INO80D: variants seen among roughly 807,000 people sequenced by gnomAD.
INO80D encodes the protein INO80 complex subunit D.
A neutral mutation model predicts 87.6 loss-of-function variants in INO80D; 21 were observed. That is an observed-to-expected ratio of 0.24 (90% CI 0.17 to 0.35). INO80D has a LOEUF of 0.35. INO80D is among the 10% of genes least tolerant of loss of function. INO80D has a pLI of 1.00. For synonymous variants in INO80D, 440 were observed against 491.0 expected, an observed-to-expected ratio of 0.90 and a Z score of 1.37; for missense variants, 982 against 1,280.7, an observed-to-expected ratio of 0.77 and a Z score of 3.56.
At position 206,001,109 on chromosome 2, in the gene INO80D, A is replaced by G. The variant is rs1687902229; in HGVS notation, c.*3259T>C. 6.6e-6 allele frequency: 1 copy of G among 152,244 alleles called. No individual in the cohort carries two copies. The highest frequency in any genetic ancestry group is 2.4e-5 in the African/African-American group (1 of 41,464). 9.4% of individuals were successfully genotyped at this position (152,244 alleles called of 1,614,324 possible). On this transcript the variant is annotated 3_prime_UTR_variant, in exon 11 of 11. Coordinates refer to ENST00000403263, the MANE Select transcript of INO80D (RefSeq NM_017759.5). The stretch of plus-strand genomic sequence containing the variant: ...TACTATTGAGTTGTTTACTAGCTAC[A>G]TAACCTACCCAGATGTGCAAATTGC...
In INO80D at chr2:206,085,506, A is replaced by C. The variant is rs1690429429; in HGVS notation, c.-124+395T>G. 1 of 149,422 alleles carries C rather than the reference A, an allele frequency of 6.7e-6. No homozygotes were observed. The highest frequency in any genetic ancestry group is 2.1e-4 in the South Asian group (1 of 4,758). The allele number at this position is 149,422 out of a possible 1,614,324, so 9.3% of individuals were successfully genotyped here. On this transcript the variant is annotated intron_variant, in intron 1 of 10. Coordinates refer to ENST00000403263, the MANE Select transcript of INO80D (RefSeq NM_017759.5). This position sits in a 1 kb window ranked among gnomAD's most constrained non-coding sequence, Gnocchi z 4.5. ...CCGTCCCACCCGGAGACCCCGGGGG[A>C]CTCGAGGGGGCGCGCGGAGGCCCGG...
intron 1 of INO80D, among the ~76,000 whole-genome samples, chr2:206,080,902 C>CAAA (rs60198558): frequency 0.014 from 547 of 38,042 alleles, 50 homozygotes; most frequent in African/African-American, 0.075. Context: ...GACTCAGTCT[C>CAAA]AAAAAAAAAA....
At chr2:206,024,680 C>G (rs1167644000) in intron 6 of INO80D, among the ~76,000 whole-genome samples, 2 of 151,920 alleles carry the variant, frequency 1.3e-5, no homozygotes, top group Non-Finnish European at 2.9e-5. Context: ...AATAAAATAT[C>G]AAAAAACAGG....
intron 1 of INO80D, among the ~76,000 whole-genome samples, chr2:206,069,523 A>G (rs892890790): frequency 7.9e-5 from 12 of 151,960 alleles, no homozygotes; most frequent in Non-Finnish European, 1.6e-4. Context: ...AGGCGAGTGG[A>G]TCACCTGAGG....
At chr2:206,025,360 T>C (rs1688578382) in intron 6 of INO80D, among the ~76,000 whole-genome samples, 1 of 150,842 alleles carries the variant, frequency 6.6e-6, no homozygotes, top group South Asian at 2.1e-4. Context: ...AAACTCCATT[T>C]CTACTAAAAA....
chr2:206,048,904 A>T (rs1294779856), intron 4 of INO80D, among the ~76,000 whole-genome samples: 2 of 152,208 alleles, frequency 1.3e-5, no homozygotes, highest in Admixed American at 1.3e-4. Context: ...TGTCTCTAAA[A>T]GTTAAGAAAA....
chr2:206,004,387 G>A lies in INO80D; in HGVS notation c.3065C>T (p.Pro1022Leu), dbSNP rs1198836637. ...ACACCCTCAGTTAGGGGAGGGAAAG[G>A]GAGAAGATGCATTATTGGTACTTGT... ...TATSTNNASS[P>L]FPSPN The change falls in exon 11 of 11, where the codon CCC becomes CTC. Residue 1022 changes from proline (P) to leucine (L), a missense_variant. Physicochemically the swap from Pro to Leu is moderately conservative, Grantham distance 98. Transcript: ENST00000403263. The surrounding 1 kb of genome is among the most constrained non-coding windows in gnomAD (Gnocchi z 4.9). 1.3e-6 allele frequency: 2 copies of A among 1,596,348 alleles called. No individual in the cohort carries two copies. Among genetic ancestry groups the A allele is most frequent in the South Asian group, 2.3e-5 (2 of 87,824 alleles).
In INO80D at chr2:206,004,286, GA is replaced by G; in HGVS notation, c.*81del. ...TCCCCATCTGTTATATCTTCTTTAG[GA>G]AAAGGGGAGAGGGGTGCTAAAGAGG... On this transcript the variant is annotated 3_prime_UTR_variant, in exon 11 of 11. Transcript: ENST00000403263. This position sits in a 1 kb window ranked among gnomAD's most constrained non-coding sequence, Gnocchi z 4.9. 5 of 1,282,296 alleles carry G rather than the reference GA, an allele frequency of 3.9e-6. No individual in the cohort carries two copies. Among genetic ancestry groups the G allele is most frequent in the Non-Finnish European group, 5.4e-6 (5 of 921,650 alleles). The allele number at this position is 1,282,296 out of a possible 1,614,324, so 79.4% of individuals were successfully genotyped here.
chr2:206,016,902 C>T (rs1316610821), intron 8 of INO80D, among the ~76,000 whole-genome samples: 1 of 152,182 alleles, frequency 6.6e-6, no homozygotes, highest in East Asian at 1.9e-4. Flanking sequence ...CCTCCCCAGC[C>T]ACATAGAACT....
intron 8 of INO80D, among the ~76,000 whole-genome samples, chr2:206,017,119 C>T (rs929023742): frequency 1.3e-5 from 2 of 152,152 alleles, no homozygotes; most frequent in African/African-American, 2.4e-5. Context: ...TGGTCTAATA[C>T]CCATTCCCTC....
At chr2:206,058,024 G>A (rs1331674176) in intron 3 of INO80D, among the ~76,000 whole-genome samples, 2 of 152,054 alleles carry the variant, frequency 1.3e-5, no homozygotes, top group Admixed American at 6.6e-5. Context: ...ATTTGTTGAT[G>A]TCATGTTTTC....
intron 9 of INO80D, among the ~76,000 whole-genome samples, chr2:206,008,662 A>G (rs1389419970): frequency 6.6e-6 from 1 of 152,172 alleles, no homozygotes; most frequent in Non-Finnish European, 1.5e-5. Context: ...GAAATCTGAA[A>G]GTAGAGTCAC....
chr2:206,081,249 T>TA (rs1367520626), intron 1 of INO80D, among the ~76,000 whole-genome samples: 1 of 152,184 alleles, frequency 6.6e-6, no homozygotes, highest in Non-Finnish European at 1.5e-5. Context: ...ATCCTACCCT[T>TA]ACGTTTTTCC....
intron 8 of INO80D, among the ~76,000 whole-genome samples, chr2:206,012,874 A>C (rs1688215202): frequency 6.6e-6 from 1 of 151,222 alleles, no homozygotes; most frequent in South Asian, 2.1e-4. Context: ...TCTCAAAAAA[A>C]AAAAAAAAAA....
intron 1 of INO80D, among the ~76,000 whole-genome samples, chr2:206,078,267 A>C (rs1238588786): frequency 6.6e-6 from 1 of 151,818 alleles, no homozygotes; most frequent in Non-Finnish European, 1.5e-5. Flanking sequence ...AAAATACAAA[A>C]ATTAGCCGGC....
chr2:206,027,178 A>ACG (rs60681717), intron 6 of INO80D, among the ~76,000 whole-genome samples: 1 of 152,064 alleles, frequency 6.6e-6, no homozygotes, highest in Non-Finnish European at 1.5e-5. Flanking sequence ...ACACACACAC[A>ACG]GAGAAAGACT....
intron 1 of INO80D, among the ~76,000 whole-genome samples, chr2:206,081,728 G>C (rs1194615597): frequency 6.7e-6 from 1 of 149,292 alleles, no homozygotes; most frequent in African/African-American, 2.5e-5. Flanking sequence ...CTGTACTCCA[G>C]GCTCGACAAC....
At chr2:206,059,761 G>T (rs1437713993) in intron 3 of INO80D, among the ~76,000 whole-genome samples, 1 of 152,182 alleles carries the variant, frequency 6.6e-6, no homozygotes, top group Non-Finnish European at 1.5e-5. Flanking sequence ...GTGTCTGTGT[G>T]TCTGTGTGCT....
chr2:206,043,470 A>G (rs1689108802), intron 5 of INO80D, among the ~76,000 whole-genome samples: 3 of 146,076 alleles, frequency 2.1e-5, no homozygotes, highest in African/African-American at 7.7e-5. Flanking sequence ...GTGCTCAGCC[A>G]GGTAGGGCCA....
Sources: gnomAD v4.1 joint callset for allele counts (sites outside exome capture counted in the v4.1 genomes callset) on GRCh38, gnomAD v4.1.1 for gene constraint, Gnocchi (gnomAD v3.1) non-coding constraint, MANE v1.5 for transcripts, NCBI Gene and HGNC (gene_info 2026-07-23, HGNC 2026-07-21) for gene names.